The following PEAK1 variants were observed in gnomAD, a reference collection of about 807,000 sequenced individuals.
PEAK1 encodes the protein inactive tyrosine-protein kinase PEAK1.
PEAK1 carries 54 observed loss-of-function variants against 124.7 expected under a neutral mutation model. That is an observed-to-expected ratio of 0.43 (90% CI 0.35 to 0.54). PEAK1 has a LOEUF of 0.54. Ranked by LOEUF, PEAK1 falls within the 20% of genes least tolerant of loss-of-function variation. The probability of loss-of-function intolerance (pLI) is 0.01; values close to 1 mark genes in which losing one functional copy is unlikely to be tolerated. For synonymous variants in PEAK1, 719 were observed against 760.0 expected (o/e 0.95, Z 0.89); for missense variants, 2,046 against 2,134.5 (o/e 0.96, Z 0.82).
rs540508375 is a variant in PEAK1 at position 77,328,958 on chromosome 15, GC to G, written c.-603+36204del. 1.9e-3 allele frequency among the ~76,000 whole-genome samples: 291 copies of G among 152,156 alleles called. 4 individuals carry two copies. Among genetic ancestry groups the G allele is most frequent in the Middle Eastern group, 0.014 (4 of 292 alleles). Reference sequence around the variant, plus strand: ...ATCCACCACATAAATTGCTTAGTAGGCACAGAAAGATACAGAAGGTATAGAA... The same window carrying G: ...ATCCACCACATAAATTGCTTAGTAGGACAGAAAGATACAGAAGGTATAGAA... On this transcript the variant is annotated intron_variant, in intron 2 of 9. Coordinates refer to ENST00000682557, the MANE Select transcript of PEAK1 (RefSeq NM_001385026.1).
At chr15:77,205,443 C>T (rs2058593349) in intron 6 of PEAK1, among the ~76,000 whole-genome samples, 1 of 152,080 alleles carries the variant, frequency 6.6e-6, no homozygotes, top group African/African-American at 2.4e-5. Flanking sequence ...ACAAAGCATA[C>T]TAACTGGCAA....
At chr15:77,132,644 G>A (rs1032940235) in intron 9 of PEAK1, among the ~76,000 whole-genome samples, 27 of 147,060 alleles carry the variant, frequency 1.8e-4, no homozygotes, top group South Asian at 6.4e-4. Context: ...GCAGTGAGCC[G>A]AGATTGCACC....
chr15:77,202,700 C>T (rs1596586235), intron 6 of PEAK1, among the ~76,000 whole-genome samples: 1 of 150,816 alleles, frequency 6.6e-6, no homozygotes. Flanking sequence ...AACCCGGAGG[C>T]GGAGCTTGCA....
intron 9 of PEAK1, among the ~76,000 whole-genome samples, chr15:77,130,497 T>C (rs1029305550): frequency 1.3e-5 from 2 of 152,202 alleles, no homozygotes; most frequent in African/African-American, 4.8e-5. Context: ...ATACTGTAAC[T>C]GCAGAGGGTA....
At chr15:77,333,546 C>T (rs1467112130) in intron 2 of PEAK1, 2 of 874,602 alleles carry the variant, frequency 2.3e-6, no homozygotes, top group East Asian at 1.2e-4. Flanking sequence ...TTTACACACA[C>T]ACATTTCCTT....
At chr15:77,356,288 G>T (rs1250535557) in intron 2 of PEAK1, among the ~76,000 whole-genome samples, 1 of 152,022 alleles carries the variant, frequency 6.6e-6, no homozygotes, top group Non-Finnish European at 1.5e-5. Flanking sequence ...ACTTTTAAAA[G>T]TTTTTCTTAA....
Position 77,111,217 on chromosome 15 carries a change from C to G in PEAK1, c.*2939G>C, listed in dbSNP as rs1379594095. On this transcript the variant is annotated 3_prime_UTR_variant, in exon 10 of 10. Coordinates refer to ENST00000682557, the MANE Select transcript of PEAK1 (RefSeq NM_001385026.1). ...AAAATGTAAAGTGCTATACTAGTCA[C>G]AATTCAAACACATAGATATATAAAT... 1 of 152,176 alleles carries G rather than the reference C, an allele frequency of 6.6e-6. No homozygotes were observed. Among genetic ancestry groups the G allele is most frequent in the East Asian group, 1.9e-4 (1 of 5,196 alleles). The allele number at this position is 152,176 out of a possible 1,614,324, so 9.4% of individuals were successfully genotyped here. A position where few individuals can be genotyped will look rare whatever the true frequency, so the allele number is the denominator to read the frequency against.
chr15:77,182,769 A>T (rs1443330830), intron 6 of PEAK1, among the ~76,000 whole-genome samples: 1 of 148,490 alleles, frequency 6.7e-6, no homozygotes, highest in Admixed American at 6.7e-5. Flanking sequence ...AAAAAAAAAA[A>T]GGCTGAAAAG....
intron 6 of PEAK1, among the ~76,000 whole-genome samples, chr15:77,216,352 G>A (rs2059148171): frequency 6.6e-6 from 1 of 152,226 alleles, no homozygotes; most frequent in Non-Finnish European, 1.5e-5. Flanking sequence ...ATACTAAGTT[G>A]TGATAGCATG....
exon 7 of PEAK1, chr15:77,101,700 G>A (rs2050695623): frequency 6.6e-6 from 1 of 152,178 alleles, no homozygotes; most frequent in Admixed American, 6.5e-5. Context: ...GGGGAGGAGG[G>A]GGTCTTGGAG....
chr15:77,229,043 A>G (rs942969568), intron 6 of PEAK1, among the ~76,000 whole-genome samples: 3 of 152,122 alleles, frequency 2.0e-5, no homozygotes, highest in African/African-American at 7.2e-5. Context: ...TTCTCATTCC[A>G]GCAGCCAGTC....
intron 1 of PEAK1, among the ~76,000 whole-genome samples, chr15:77,381,028 C>T (rs772398936): frequency 3.9e-5 from 6 of 152,176 alleles, no homozygotes; most frequent in Admixed American, 6.5e-5. Flanking sequence ...TTAGGTCAGC[C>T]TTGGCTCCCC....
chr15:77,389,097 C>T (rs1387809534), intron 1 of PEAK1, among the ~76,000 whole-genome samples: 1 of 151,640 alleles, frequency 6.6e-6, no homozygotes, highest in African/African-American at 2.4e-5. Context: ...GCTAGGACTA[C>T]AGACATGCAC....
At chr15:77,102,031 A>G (rs917163137) in exon 7 of PEAK1, 1 of 152,272 alleles carries the variant, frequency 6.6e-6, no homozygotes, top group African/African-American at 2.4e-5. Flanking sequence ...CAACAGTTGC[A>G]GGATATACAG....
At chr15:77,351,861 C>T (rs1387451564) in intron 2 of PEAK1, 2 of 985,282 alleles carry the variant, frequency 2.0e-6, no homozygotes, top group East Asian at 2.3e-4. Flanking sequence ...TCCGGGCATA[C>T]AAGAAAAGGA....
At chr15:77,271,526 A>C (rs1334163668) in intron 5 of PEAK1, among the ~76,000 whole-genome samples, 1 of 152,202 alleles carries the variant, frequency 6.6e-6, no homozygotes, top group African/African-American at 2.4e-5. Flanking sequence ...ACTTGGTACC[A>C]ACCCAAATGT....
At chr15:77,187,668 T>C (rs1445747556) in intron 6 of PEAK1, among the ~76,000 whole-genome samples, 1 of 152,222 alleles carries the variant, frequency 6.6e-6, no homozygotes, top group African/African-American at 2.4e-5. Context: ...CCTCCAATTC[T>C]GTGACTCCCG....
At chr15:77,337,894 C>T (rs1441036265) in intron 2 of PEAK1, 1 of 984,920 alleles carries the variant, frequency 1.0e-6, no homozygotes, top group Non-Finnish European at 1.2e-6. Flanking sequence ...AGTCTGTTCT[C>T]ATTAAATTAC....
chr15:77,311,087 A>C (rs2064409738), intron 2 of PEAK1, among the ~76,000 whole-genome samples: 1 of 152,244 alleles, frequency 6.6e-6, no homozygotes, highest in Non-Finnish European at 1.5e-5. Flanking sequence ...TTCACAAGTT[A>C]TTAAAGTAGG....
Sources: allele counts gnomAD v4.1 joint callset (sites outside exome capture counted in the v4.1 genomes callset), GRCh38; gene constraint gnomAD v4.1.1; transcripts MANE v1.5; gene names NCBI Gene and HGNC (gene_info 2026-07-23, HGNC 2026-07-21).